Variants in SGCZ observed in about 807,000 individuals in gnomAD.
SGCZ encodes sarcoglycan zeta.
Under a neutral mutation model 41.3 loss-of-function variants are expected in SGCZ, and 40 were observed. The observed-to-expected ratio is 0.97, with a 90% CI of 0.75 to 1.26. The LOEUF (loss-of-function observed/expected upper bound fraction) is 1.26, where lower values mean the gene tolerates loss of function less well. SGCZ is among the 50% of genes most tolerant of loss of function. SGCZ has a pLI of 0.00. For missense variants in SGCZ, 552 were observed against 369.8 expected, an observed-to-expected ratio of 1.49 and a Z score of -4.04; for synonymous variants, 206 against 137.5, an observed-to-expected ratio of 1.50 and a Z score of -3.49.
Position 15,237,735 on chromosome 8 carries a change from C to A in SGCZ, c.-112G>T. On this transcript the variant is annotated 5_prime_UTR_variant, in exon 1 of 8. Coordinates refer to ENST00000382080, the MANE Select transcript of SGCZ (RefSeq NM_139167.4). ...TTTATCCTCCTCCAAGCCCCGGCAG[C>A]TCCTCTCAGTCTCATTCTCCGTGGT... 1 of 1,144,702 alleles carries A rather than the reference C, an allele frequency of 8.7e-7. No individual in the cohort carries two copies. Among genetic ancestry groups the A allele is most frequent in the Admixed American group, 2.0e-5 (1 of 49,902 alleles). The allele number at this position is 1,144,702 out of a possible 1,614,324, so 70.9% of individuals were successfully genotyped here. A position where few individuals can be genotyped will look rare whatever the true frequency, so the allele number is the denominator to read the frequency against.
At chr8:14,800,803 TA>T (rs1462879078) in intron 1 of SGCZ, among the ~76,000 whole-genome samples, 1 of 152,114 alleles carries the variant, frequency 6.6e-6, no homozygotes, top group Non-Finnish European at 1.5e-5. Context: ...TATAGCAATG[TA>T]AGAACAGACT....
chr8:14,124,107 G>C (rs1467646864), intron 5 of SGCZ, among the ~76,000 whole-genome samples: 1 of 152,124 alleles, frequency 6.6e-6, no homozygotes, highest in African/African-American at 2.4e-5. Context: ...GTGAAAACAG[G>C]TTCAAACTTG....
At chr8:14,092,197 A>C (rs1325812082) in intron 7 of SGCZ, among the ~76,000 whole-genome samples, 2 of 152,014 alleles carry the variant, frequency 1.3e-5, no homozygotes, top group Non-Finnish European at 2.9e-5. Flanking sequence ...TGGTACCAGG[A>C]CTATGCTGTT....
intron 1 of SGCZ, among the ~76,000 whole-genome samples, chr8:15,039,759 T>C (rs1804012379): frequency 6.6e-6 from 1 of 152,236 alleles, no homozygotes; most frequent in Non-Finnish European, 1.5e-5. Flanking sequence ...TTATTGTTTG[T>C]ACGTTTTCAT....
At chr8:15,020,480 C>G (rs977993044) in intron 1 of SGCZ, among the ~76,000 whole-genome samples, 4 of 152,014 alleles carry the variant, frequency 2.6e-5, no homozygotes, top group African/African-American at 9.7e-5. Context: ...AGGAGATGTT[C>G]TTATGCATAC....
chr8:14,664,695 G>A (rs181881701), intron 1 of SGCZ, among the ~76,000 whole-genome samples: 1 of 152,232 alleles, frequency 6.6e-6, no homozygotes. Context: ...CTTAGTGTAT[G>A]CTATATGATT....
At chr8:14,194,895 A>T (rs1433577522) in intron 4 of SGCZ, among the ~76,000 whole-genome samples, 1 of 152,076 alleles carries the variant, frequency 6.6e-6, no homozygotes, top group Non-Finnish European at 1.5e-5. Flanking sequence ...ATGAGGAATG[A>T]TTAGCTTTAC....
At chr8:14,807,792 A>C (rs944274436) in intron 1 of SGCZ, among the ~76,000 whole-genome samples, 6 of 152,188 alleles carry the variant, frequency 3.9e-5, no homozygotes, top group African/African-American at 1.4e-4. Context: ...AAGCCAAAAG[A>C]ACAAAGCTGG....
intron 1 of SGCZ, among the ~76,000 whole-genome samples, chr8:14,722,959 T>A (rs987797298): frequency 6.6e-6 from 1 of 152,176 alleles, no homozygotes; most frequent in East Asian, 1.9e-4. Flanking sequence ...ACCAATTCAA[T>A]AGAATGCAGG....
chr8:14,153,265 G>C (rs2116956753), intron 5 of SGCZ, among the ~76,000 whole-genome samples: 1 of 152,320 alleles, frequency 6.6e-6, no homozygotes, highest in South Asian at 2.1e-4. Flanking sequence ...TGTTTAGGTA[G>C]TAATTTCCCC....
chr8:15,074,119 C>A (rs1805447729), intron 1 of SGCZ, among the ~76,000 whole-genome samples: 1 of 152,114 alleles, frequency 6.6e-6, no homozygotes, highest in African/African-American at 2.4e-5. Flanking sequence ...TTTCACAACC[C>A]CCCATCCAAC....
At chr8:14,233,999 G>C (rs1342378230) in intron 4 of SGCZ, among the ~76,000 whole-genome samples, 1 of 151,816 alleles carries the variant, frequency 6.6e-6, no homozygotes, top group Non-Finnish European at 1.5e-5. Context: ...AAGAAATCTT[G>C]AGTTCATCAA....
chr8:15,017,650 C>T (rs747709293), intron 1 of SGCZ, among the ~76,000 whole-genome samples: 5 of 152,028 alleles, frequency 3.3e-5, no homozygotes, highest in Admixed American at 6.5e-5. Flanking sequence ...GGACCACAGG[C>T]TCACATCATC....
chr8:15,191,086 T>C (rs1356598184), intron 1 of SGCZ, among the ~76,000 whole-genome samples: 1 of 152,040 alleles, frequency 6.6e-6, no homozygotes, highest in African/African-American at 2.4e-5. Flanking sequence ...AATACAACAA[T>C]AGTAACTCTA....
intron 1 of SGCZ, among the ~76,000 whole-genome samples, chr8:14,790,189 G>C (rs1800902854): frequency 6.6e-6 from 1 of 152,122 alleles, no homozygotes; most frequent in Non-Finnish European, 1.5e-5. Flanking sequence ...TTTCAAAGTG[G>C]TTTCAAGTCT....
intron 1 of SGCZ, among the ~76,000 whole-genome samples, chr8:14,813,901 C>G (rs1447964342): frequency 6.6e-6 from 1 of 152,056 alleles, no homozygotes; most frequent in Non-Finnish European, 1.5e-5. Flanking sequence ...TGCAGTGAGC[C>G]AAGATAGTGC....
At chr8:14,794,759 A>T (rs1297385141) in intron 1 of SGCZ, among the ~76,000 whole-genome samples, 1 of 152,216 alleles carries the variant, frequency 6.6e-6, no homozygotes, top group Non-Finnish European at 1.5e-5. Flanking sequence ...GAACTTGGTT[A>T]TAAAGAGATT....
At chr8:15,139,371 C>G (rs910570924) in intron 1 of SGCZ, among the ~76,000 whole-genome samples, 1 of 152,102 alleles carries the variant, frequency 6.6e-6, no homozygotes, top group Non-Finnish European at 1.5e-5. Context: ...ACACTTTTTT[C>G]CTAGACTTTA....
intron 2 of SGCZ, among the ~76,000 whole-genome samples, chr8:14,507,297 C>T (rs1199152064): frequency 6.6e-6 from 1 of 152,138 alleles, no homozygotes; most frequent in Non-Finnish European, 1.5e-5. Context: ...TAGCATTCTC[C>T]ATCCCAAGCA....
Sources: gnomAD v4.1 joint callset for allele counts (sites outside exome capture counted in the v4.1 genomes callset) on GRCh38, gnomAD v4.1.1 for gene constraint, MANE v1.5 for transcripts, NCBI Gene and HGNC (gene_info 2026-07-23, HGNC 2026-07-21) for gene names.